TGFBR2: variants seen among roughly 807,000 people sequenced by gnomAD.
TGFBR2 encodes transforming growth factor beta receptor 2, also known as TGF-beta receptor type-2.
In TGFBR2, 18 loss-of-function variants were observed where a neutral mutation model predicts 49.0. The ratio of observed to expected loss-of-function variants is 0.37; its 90% CI spans 0.25 to 0.54. TGFBR2 has a LOEUF of 0.54. Ranked by LOEUF, TGFBR2 falls within the 20% of genes least tolerant of loss-of-function variation. The pLI is 0.85. For synonymous variants in TGFBR2, 282 were observed against 275.9 expected, an observed-to-expected ratio of 1.02 and a Z score of -0.22; for missense variants, 525 against 722.6, an observed-to-expected ratio of 0.73 and a Z score of 3.13.
At chr3:30,647,928 C>T (rs532832292) in intron 2 of TGFBR2, among the ~76,000 whole-genome samples, 72 of 152,236 alleles carry the variant, frequency 4.7e-4, no homozygotes, top group South Asian at 4.2e-4. Context: ...CCGCCTGCCT[C>T]GGCCTCTGAA....
chr3:30,643,291 C>T (rs992626570), intron 1 of TGFBR2, among the ~76,000 whole-genome samples: 3 of 152,196 alleles, frequency 2.0e-5, no homozygotes, highest in African/African-American at 4.8e-5. Context: ...GCACCCCATG[C>T]GGTCTAAGTG....
At chr3:30,666,068 T>C (rs1037039265) in intron 3 of TGFBR2, among the ~76,000 whole-genome samples, 2 of 152,206 alleles carry the variant, frequency 1.3e-5, no homozygotes, top group African/African-American at 2.4e-5. Flanking sequence ...CTAGGAAATA[T>C]TAATTTTTAA....
chr3:30,682,120 G>A (rs1473081433), intron 5 of TGFBR2, among the ~76,000 whole-genome samples: 1 of 152,202 alleles, frequency 6.6e-6, no homozygotes, highest in Admixed American at 6.5e-5. Context: ...TGTTCCTCCT[G>A]GAGTTGGGCC....
At chr3:30,617,398 A>G (rs1461934932) in intron 1 of TGFBR2, among the ~76,000 whole-genome samples, 1 of 152,182 alleles carries the variant, frequency 6.6e-6, no homozygotes, top group Non-Finnish European at 1.5e-5. Flanking sequence ...AGACAATATG[A>G]TATAATTTGT....
At chr3:30,616,091 A>G (rs9871945) in intron 1 of TGFBR2, among the ~76,000 whole-genome samples, 1 of 152,066 alleles carries the variant, frequency 6.6e-6, no homozygotes, top group Admixed American at 6.6e-5. Flanking sequence ...TCTTAATTTT[A>G]TATTCACTTT....
chr3:30,619,111 A>G (rs578256298), intron 1 of TGFBR2, among the ~76,000 whole-genome samples: 1 of 152,312 alleles, frequency 6.6e-6, no homozygotes, highest in South Asian at 2.1e-4. Context: ...AAAAAAACAT[A>G]AAAACTTTCC....
rs560915484 is a variant in TGFBR2, at chr3:30,664,268, G to A, written c.455-7370G>A. On this transcript the variant is annotated intron_variant, in intron 3 of 6. Coordinates refer to ENST00000295754, the MANE Select transcript of TGFBR2 (RefSeq NM_003242.6). ...CGAAGTGCTGGGATTACAGGTGTGA[G>A]GCACCATATCTTCCCCCCATTTTTT... 6.6e-5 allele frequency among the ~76,000 whole-genome samples: 10 copies of A among 152,018 alleles called. No individual in the cohort carries two copies. The South Asian group carries it at 2.1e-3, about 32-fold the overall frequency.
At chr3:30,630,997 C>T (rs1698426586) in intron 1 of TGFBR2, among the ~76,000 whole-genome samples, 1 of 151,126 alleles carries the variant, frequency 6.6e-6, no homozygotes, top group Non-Finnish European at 1.5e-5. Flanking sequence ...ACTAAGTTAC[C>T]AACCTTAGTG....
intron 3 of TGFBR2, among the ~76,000 whole-genome samples, chr3:30,658,002 C>T (rs1699040382): frequency 6.6e-6 from 1 of 152,208 alleles, no homozygotes; most frequent in East Asian, 1.9e-4. Context: ...GGTCTGCAAA[C>T]TTCTTTGATA....
chr3:30,614,115 C>CTTTTTTTTTTTTTTTT (rs5847643), intron 1 of TGFBR2, among the ~76,000 whole-genome samples: 2 of 120,632 alleles, frequency 1.7e-5, no homozygotes, highest in Non-Finnish European at 3.3e-5. Context: ...TTTTTCTTTC[C>CTTTTTTTTTTTTTTTT]TTTTTTTTTT....
At chr3:30,675,248 C>G (rs566663822) in intron 5 of TGFBR2, among the ~76,000 whole-genome samples, 17 of 152,294 alleles carry the variant, frequency 1.1e-4, no homozygotes, top group African/African-American at 3.9e-4. Flanking sequence ...CTAGAACTGC[C>G]TTTCGCTGTC....
chr3:30,631,036 CTTTTTTTTTT>C (rs34649868), intron 1 of TGFBR2, among the ~76,000 whole-genome samples: 10 of 120,880 alleles, frequency 8.3e-5, no homozygotes, highest in African/African-American at 2.5e-4. Context: ...AAGGAGTAGC[CTTTTTTTTTT>C]TTTTTTTTTT....
intron 5 of TGFBR2, among the ~76,000 whole-genome samples, chr3:30,683,399 C>A (rs544205227): frequency 2.0e-5 from 3 of 152,140 alleles, no homozygotes; most frequent in Non-Finnish European, 4.4e-5. Context: ...ATTCATTTTT[C>A]TTGTAATTCA....
At chr3:30,632,168 T>C (rs1314790266) in intron 1 of TGFBR2, among the ~76,000 whole-genome samples, 1 of 152,236 alleles carries the variant, frequency 6.6e-6, no homozygotes, top group East Asian at 1.9e-4. Flanking sequence ...ATGATTTTAT[T>C]TCAATATTTT....
rs1277868933 is a variant in TGFBR2, at chr3:30,676,017, C to T, written c.1396+1771C>T. Among the ~76,000 whole-genome samples, 11 of 152,134 alleles carry T rather than the reference C, an allele frequency of 7.2e-5. No individual in the cohort carries two copies. Among genetic ancestry groups the T allele is most frequent in the Admixed American group, 7.2e-4 (11 of 15,270 alleles). ...CGATTTTTGTCTTTTATGACCTTGACACTTGTAAAAAGTTTAAGACAGTTA... is the reference window on the plus strand; with the variant it reads ...CGATTTTTGTCTTTTATGACCTTGATACTTGTAAAAAGTTTAAGACAGTTA... On this transcript the variant is annotated intron_variant, in intron 5 of 6. Coordinates refer to ENST00000295754, the MANE Select transcript of TGFBR2 (RefSeq NM_003242.6). The surrounding 1 kb of genome is among the most constrained non-coding windows in gnomAD (Gnocchi z 4.3).
At chr3:30,623,552 C>T (rs544945185) in intron 1 of TGFBR2, among the ~76,000 whole-genome samples, 127 of 152,282 alleles carry the variant, frequency 8.3e-4, no homozygotes, top group Non-Finnish European at 1.5e-3. Context: ...AGTCATTTTA[C>T]TTTTCCCCTT....
chr3:30,667,342 T>A (rs897826490), intron 3 of TGFBR2, among the ~76,000 whole-genome samples: 1 of 152,200 alleles, frequency 6.6e-6, no homozygotes, highest in Admixed American at 6.5e-5. Flanking sequence ...GGTTTTCTAG[T>A]AGCAACCCAA....
At chr3:30,655,499 A>C (rs1321719424) in intron 3 of TGFBR2, among the ~76,000 whole-genome samples, 1 of 152,196 alleles carries the variant, frequency 6.6e-6, no homozygotes, top group Non-Finnish European at 1.5e-5. Flanking sequence ...TAATATTACA[A>C]ATTAGACACG....
intron 3 of TGFBR2, among the ~76,000 whole-genome samples, chr3:30,653,847 T>C (rs998523356): frequency 1.3e-5 from 2 of 152,198 alleles, no homozygotes; most frequent in Non-Finnish European, 2.9e-5. Context: ...CTCAGCCCTT[T>C]CCAAGCATGA....
Sources: allele counts gnomAD v4.1 joint callset (sites outside exome capture counted in the v4.1 genomes callset), GRCh38; gene constraint gnomAD v4.1.1; non-coding constraint Gnocchi (gnomAD v3.1); transcripts MANE v1.5; gene names NCBI Gene and HGNC (gene_info 2026-07-23, HGNC 2026-07-21).